Variants in RANBP17 observed in about 807,000 individuals in gnomAD.
RANBP17 encodes the protein ran-binding protein 17.
RANBP17 carries 158 observed loss-of-function variants against 141.2 expected under a neutral mutation model. The observed-to-expected ratio is 1.12, with a 90% CI of 0.98 to 1.28. The LOEUF is 1.28. Among genes scored for constraint, RANBP17 ranks in the 50% most tolerant of loss-of-function variants. The pLI, the probability that RANBP17 is intolerant of heterozygous loss-of-function variation, is 0.00. For missense variants in RANBP17, 1,438 were observed against 1,290.7 expected (o/e 1.11, Z -1.75); for synonymous variants, 430 against 450.0 (o/e 0.96, Z 0.56).
intron 14 of RANBP17, among the ~76,000 whole-genome samples, chr5:171,166,630 C>T (rs528693393): frequency 3.3e-4 from 50 of 152,126 alleles, no homozygotes; most frequent in African/African-American, 9.9e-4. Flanking sequence ...TGATGATAAA[C>T]GATTTTGTAG....
intron 13 of RANBP17, among the ~76,000 whole-genome samples, chr5:170,966,462 A>T (rs1776573561): frequency 6.6e-6 from 1 of 152,226 alleles, no homozygotes; most frequent in Non-Finnish European, 1.5e-5. Flanking sequence ...ATCTCAATAG[A>T]TGCAGAAAAG....
chr5:171,216,516 T>C (rs1763229708), intron 21 of RANBP17, among the ~76,000 whole-genome samples: 1 of 152,164 alleles, frequency 6.6e-6, no homozygotes, highest in Non-Finnish European at 1.5e-5. Flanking sequence ...GCCATTTTCA[T>C]GATACTGATT....
intron 18 of RANBP17, among the ~76,000 whole-genome samples, chr5:171,187,634 A>AT (rs561512310): frequency 6.6e-6 from 1 of 152,134 alleles, no homozygotes; most frequent in Admixed American, 6.5e-5. Context: ...GATCATTTGA[A>AT]TTTTTTTAGT....
intron 14 of RANBP17, among the ~76,000 whole-genome samples, chr5:171,155,516 A>G (rs1276533055): frequency 1.3e-5 from 2 of 152,176 alleles, no homozygotes; most frequent in African/African-American, 2.4e-5. Flanking sequence ...ATGTTATACA[A>G]TTATGATTTA....
chr5:171,056,634 A>G (rs1317844848), intron 14 of RANBP17, among the ~76,000 whole-genome samples: 1 of 152,170 alleles, frequency 6.6e-6, no homozygotes, highest in African/African-American at 2.4e-5. Flanking sequence ...TTTATACCAG[A>G]TAAGCCCTAT....
chr5:171,118,749 C>T (rs1422655248), intron 14 of RANBP17, among the ~76,000 whole-genome samples: 1 of 152,070 alleles, frequency 6.6e-6, no homozygotes, highest in Non-Finnish European at 1.5e-5. Flanking sequence ...TATAGAAATG[C>T]TACTGATTTT....
At chr5:170,989,119 T>C (rs77455748) in intron 14 of RANBP17, among the ~76,000 whole-genome samples, 4,051 of 151,950 alleles carry the variant, frequency 0.027, 159 homozygotes, top group African/African-American at 0.091. Context: ...GCTAAAATTA[T>C]TATTTGTCAA....
chr5:171,274,856 A>G (rs1214857949), intron 25 of RANBP17, among the ~76,000 whole-genome samples: 2 of 152,260 alleles, frequency 1.3e-5, no homozygotes, highest in African/African-American at 4.8e-5. Context: ...ATATCATAAT[A>G]TACTATAGAA....
chr5:171,093,721 A>C (rs1339041481), intron 14 of RANBP17, among the ~76,000 whole-genome samples: 1 of 152,196 alleles, frequency 6.6e-6, no homozygotes, highest in Non-Finnish European at 1.5e-5. Flanking sequence ...TGTATGTATC[A>C]CACACTTTTT....
intron 22 of RANBP17, among the ~76,000 whole-genome samples, chr5:171,224,072 C>G (rs565151592): frequency 6.6e-6 from 1 of 152,240 alleles, no homozygotes; most frequent in African/African-American, 2.4e-5. Flanking sequence ...CTGTTTATGC[C>G]TCTCCTTCCA....
intron 14 of RANBP17, among the ~76,000 whole-genome samples, chr5:171,086,818 A>G (rs1785700269): frequency 3.4e-5 from 5 of 146,094 alleles, no homozygotes; most frequent in African/African-American, 1.3e-4. Flanking sequence ...TATCCCCTTT[A>G]TCATTTTTTA....
chr5:171,186,966 C>T (rs1761299700), intron 18 of RANBP17, among the ~76,000 whole-genome samples: 1 of 152,068 alleles, frequency 6.6e-6, no homozygotes, highest in South Asian at 2.1e-4. Flanking sequence ...GCAGGAGACC[C>T]AGCGTTTGAC....
At chr5:171,266,913 A>C (rs1332775790) in intron 25 of RANBP17, among the ~76,000 whole-genome samples, 1 of 151,216 alleles carries the variant, frequency 6.6e-6, no homozygotes, top group Non-Finnish European at 1.5e-5. Flanking sequence ...ACTCCATCTC[A>C]AAAAAAAAGA....
chr5:171,087,172 C>G (rs1467851449), intron 14 of RANBP17, among the ~76,000 whole-genome samples: 4 of 149,580 alleles, frequency 2.7e-5, no homozygotes, highest in African/African-American at 9.9e-5. Flanking sequence ...TGTCTTTGTT[C>G]TCATTGGTTT....
At chr5:171,248,664 C>T (rs1765374354) in intron 24 of RANBP17, among the ~76,000 whole-genome samples, 1 of 152,180 alleles carries the variant, frequency 6.6e-6, no homozygotes, top group Non-Finnish European at 1.5e-5. Flanking sequence ...CCCTTCCAGA[C>T]CTGAAAAGGT....
chr5:170,891,529 T>A (rs1455746471), intron 3 of RANBP17, among the ~76,000 whole-genome samples: 2 of 152,176 alleles, frequency 1.3e-5, no homozygotes, highest in Non-Finnish European at 2.9e-5. Flanking sequence ...ACTGGGTGAT[T>A]TATAAAGAAA....
chr5:171,134,950 A>C (rs1338749108), intron 14 of RANBP17, among the ~76,000 whole-genome samples: 1 of 151,476 alleles, frequency 6.6e-6, no homozygotes, highest in Non-Finnish European at 1.5e-5. Context: ...TTAAATTCCC[A>C]AAACAGAAAA....
At chr5:171,165,260 C>T (rs1759611506) in intron 14 of RANBP17, among the ~76,000 whole-genome samples, 1 of 152,120 alleles carries the variant, frequency 6.6e-6, no homozygotes, top group Middle Eastern at 3.2e-3. Context: ...TGGCTCACTG[C>T]AACCTCCGCC....
chr5:170,950,127 A>T (rs946248840), intron 12 of RANBP17, among the ~76,000 whole-genome samples: 37 of 152,296 alleles, frequency 2.4e-4, no homozygotes, highest in African/African-American at 8.7e-4. Flanking sequence ...ACCTGAAACT[A>T]TAAAACTACT....
Sources: allele counts gnomAD v4.1 joint callset (sites outside exome capture counted in the v4.1 genomes callset), GRCh38; gene constraint gnomAD v4.1.1; transcripts MANE v1.5; gene names NCBI Gene and HGNC (gene_info 2026-07-23, HGNC 2026-07-21).